The following HMGCS1 variants were observed in gnomAD, a reference collection of about 807,000 sequenced individuals.
The protein encoded by HMGCS1 is 3-hydroxy-3-methylglutaryl-CoA synthase 1, also known as hydroxymethylglutaryl-CoA synthase, cytoplasmic.
Under a neutral mutation model 52.3 loss-of-function variants are expected in HMGCS1, and 9 were observed. The ratio of observed to expected loss-of-function variants is 0.17; its 90% CI spans 0.10 to 0.30. The LOEUF (loss-of-function observed/expected upper bound fraction) is 0.30, where lower values mean the gene tolerates loss of function less well. HMGCS1 is among the 10% of genes least tolerant of loss of function. The pLI is 1.00. For synonymous variants in HMGCS1, 176 were observed against 214.4 expected (o/e 0.82, Z 1.57); for missense variants, 320 against 620.9 (o/e 0.52, Z 5.15).
rs191703352 is a variant in HMGCS1 at position 43,312,388 on chromosome 5, G to A, written c.-70+968C>T. Among the ~76,000 whole-genome samples the A allele has an allele frequency of 2.8e-3, 428 of 152,312 alleles. 2 individuals carry two copies. The highest frequency in any genetic ancestry group is 0.01 in the African/African-American group (416 of 41,568). On this transcript the variant is annotated intron_variant, in intron 1 of 10. Coordinates refer to ENST00000325110, the MANE Select transcript of HMGCS1 (RefSeq NM_001098272.3). The stretch of plus-strand genomic sequence containing the variant: ...GTGAAAGCAGCTACTGATGCCTTAA[G>A]GCTAAGGCCATAGGGACAAGCATGA...
chr5:43,295,794 T>C lies in HMGCS1; in HGVS notation c.863A>G (p.Asn288Ser), dbSNP rs746650179. The C allele has an allele frequency of 2.5e-6, 4 of 1,613,418 alleles. No individual in the cohort carries two copies. Among genetic ancestry groups the C allele is most frequent in the Non-Finnish European group, 3.4e-6 (4 of 1,179,540 alleles). ...MLLNDFLNDQ[N>S]RDKNSIYSGL... Reference sequence around the variant, plus strand: ...ACTATAGATACTATTTTTATCTCTATTCTGGTCATTAAGGAAGTCATTCAG... The same window carrying C: ...ACTATAGATACTATTTTTATCTCTACTCTGGTCATTAAGGAAGTCATTCAG... Residue 288 changes from asparagine (N) to serine (S), a missense_variant, in exon 6 of 11, where the codon AAT becomes AGT. By Grantham distance (46) the Asn-to-Ser change is conservative. Around this residue, in one of 3 missense-constraint regions of HMGCS1, gnomAD observed 213 missense variants for 337.4 expected, o/e 0.63. Transcript: ENST00000325110.
chr5:43,289,173 C>T lies in HMGCS1; in HGVS notation c.*1958G>A, dbSNP rs1297875119. ...TGTAAATTCCTCCATTCTAGATGAA[C>T]AGCTCCTTAAAGACAAGACCATATA... On this transcript the variant is annotated 3_prime_UTR_variant, in exon 11 of 11. Coordinates refer to ENST00000325110, the MANE Select transcript of HMGCS1 (RefSeq NM_001098272.3). The T allele has an allele frequency of 1.3e-5, 2 of 152,112 alleles. No individual in the cohort carries two copies. Among genetic ancestry groups the T allele is most frequent in the African/African-American group, 4.8e-5 (2 of 41,410 alleles). 9.4% of individuals were successfully genotyped at this position (152,112 alleles called of 1,614,324 possible).
intron 2 of HMGCS1, among the ~76,000 whole-genome samples, chr5:43,300,070 G>A (rs1754236759): frequency 6.6e-6 from 1 of 152,196 alleles, no homozygotes; most frequent in Admixed American, 6.5e-5. Flanking sequence ...AAGTCCCACT[G>A]TTGGTGCTGC....
intron 1 of HMGCS1, among the ~76,000 whole-genome samples, chr5:43,308,318 C>T (rs1290683951): frequency 6.6e-6 from 1 of 152,162 alleles, no homozygotes; most frequent in Non-Finnish European, 1.5e-5. Flanking sequence ...AATACAGTTG[C>T]CCTCCCCAGA....
chr5:43,307,157 G>A (rs1179339470), intron 2 of HMGCS1, among the ~76,000 whole-genome samples: 1 of 147,032 alleles, frequency 6.8e-6, no homozygotes, highest in African/African-American at 2.6e-5. Flanking sequence ...TGCAACCTCC[G>A]ACTTCTGGGT....
intron 2 of HMGCS1, among the ~76,000 whole-genome samples, chr5:43,299,566 C>T (rs906338799): frequency 2.6e-5 from 4 of 151,924 alleles, no homozygotes; most frequent in Admixed American, 6.6e-5. Flanking sequence ...AGGAGAATGG[C>T]GTGAACCCGG....
intron 2 of HMGCS1, among the ~76,000 whole-genome samples, chr5:43,300,587 C>G (rs1313212971): frequency 6.6e-6 from 1 of 152,024 alleles, no homozygotes; most frequent in African/African-American, 2.4e-5. Flanking sequence ...CCCAGGAGTT[C>G]AAGACCAGCC....
chr5:43,288,789 A>G lies in HMGCS1; in HGVS notation c.*2342T>C, dbSNP rs770110269. The G allele has an allele frequency of 6.6e-6, 1 of 152,192 alleles. No homozygotes were observed. The highest frequency in any genetic ancestry group is 6.5e-5 in the Admixed American group (1 of 15,268). 9.4% of individuals were successfully genotyped at this position (152,192 alleles called of 1,614,324 possible). A position where few individuals can be genotyped will look rare whatever the true frequency, so the allele number is the denominator to read the frequency against. ...AGACATGACATGATGATAAAATATG[A>G]GCTGATCAGTATTAGAAAATATATA... On this transcript the variant is annotated 3_prime_UTR_variant, in exon 11 of 11. Coordinates refer to ENST00000325110, the MANE Select transcript of HMGCS1 (RefSeq NM_001098272.3).
intron 1 of HMGCS1, among the ~76,000 whole-genome samples, chr5:43,311,322 CAAA>C (rs34754612): frequency 4.7e-4 from 46 of 98,314 alleles, no homozygotes; most frequent in Non-Finnish European, 8.3e-5. Flanking sequence ...TCTGTCTCCC[CAAA>C]AAAAAAAAAA....
chr5:43,309,785 A>G (rs951790843), intron 1 of HMGCS1, among the ~76,000 whole-genome samples: 3 of 152,246 alleles, frequency 2.0e-5, no homozygotes, highest in African/African-American at 7.2e-5. Flanking sequence ...AATGGCAAGT[A>G]GCCAGGCAGG....
chr5:43,302,380 G>A (rs148497796), intron 2 of HMGCS1, among the ~76,000 whole-genome samples: 132 of 152,012 alleles, frequency 8.7e-4, no homozygotes, highest in Middle Eastern at 3.4e-3. Flanking sequence ...AACCCACCTC[G>A]TGCTTCTGCT....
At chr5:43,297,838 CAA>C (rs371302116) in intron 4 of HMGCS1, among the ~76,000 whole-genome samples, 169 bp downstream of exon 4, 20 of 67,886 alleles carry the variant, frequency 2.9e-4, no homozygotes, top group Admixed American at 8.7e-4. Flanking sequence ...AACTCGGTCT[CAA>C]AAAAAAAAAA....
intron 2 of HMGCS1, among the ~76,000 whole-genome samples, chr5:43,304,094 G>A (rs940502973): frequency 6.6e-6 from 1 of 152,216 alleles, no homozygotes; most frequent in African/African-American, 2.4e-5. Context: ...CACTAGGCAT[G>A]GATTCTAAGT....
In HMGCS1 at chr5:43,298,281, T is replaced by C; in HGVS notation, c.449-147A>G. 1 of 765,492 alleles carries C rather than the reference T, an allele frequency of 1.3e-6. No individual in the cohort carries two copies. Among genetic ancestry groups the C allele is most frequent in the Middle Eastern group, 3.5e-4 (1 of 2,868 alleles). 47.4% of individuals were successfully genotyped at this position (765,492 alleles called of 1,614,324 possible). ...TGCTCTAATTTTTTTTTAAAATTCATCTGCCAAGGCTCTGTCATCCATCTG... is the reference window on the plus strand; with the variant it reads ...TGCTCTAATTTTTTTTTAAAATTCACCTGCCAAGGCTCTGTCATCCATCTG... On this transcript the variant is annotated intron_variant, in intron 3 of 10. Transcript: ENST00000325110. The surrounding 1 kb of genome is among the most constrained non-coding windows in gnomAD (Gnocchi z 5.6).
chr5:43,306,568 T>G (rs539830871), intron 2 of HMGCS1, among the ~76,000 whole-genome samples: 1 of 152,322 alleles, frequency 6.6e-6, no homozygotes, highest in Admixed American at 6.5e-5. Context: ...AGCACCAACA[T>G]GATGCTCAAA....
intron 7 of HMGCS1, 71 bp from the exon 8 acceptor site, chr5:43,294,233 G>A (rs1579638222): frequency 9.5e-6 from 9 of 944,202 alleles, no homozygotes; most frequent in Non-Finnish European, 1.4e-5. Context: ...AGCTATAAAA[G>A]TAGCAATAAA....
chr5:43,307,510 A>G (rs1208621897), intron 2 of HMGCS1, among the ~76,000 whole-genome samples: 2 of 152,202 alleles, frequency 1.3e-5, no homozygotes, highest in Non-Finnish European at 2.9e-5. Flanking sequence ...ACATTTTATT[A>G]TAAGTACTTT....
chr5:43,310,707 C>T (rs968802050), intron 1 of HMGCS1, among the ~76,000 whole-genome samples: 3 of 152,014 alleles, frequency 2.0e-5, no homozygotes, highest in South Asian at 2.1e-4. Flanking sequence ...GAGTAGCCTG[C>T]TATCAGTTTT....
At chr5:43,300,906 T>C (rs1215195928) in intron 2 of HMGCS1, among the ~76,000 whole-genome samples, 1 of 151,698 alleles carries the variant, frequency 6.6e-6, no homozygotes, top group African/African-American at 2.4e-5. Context: ...AATGCCAACA[T>C]GTTACATACT....
Sources: allele counts gnomAD v4.1 joint callset (sites outside exome capture counted in the v4.1 genomes callset), GRCh38; gene constraint gnomAD v4.1.1; regional missense constraint gnomAD v4.1.1; non-coding constraint Gnocchi (gnomAD v3.1); transcripts MANE v1.5; gene names NCBI Gene and HGNC (gene_info 2026-07-23, HGNC 2026-07-21).